MZT2B: variants seen among roughly 807,000 people sequenced by gnomAD.
MZT2B encodes mitotic spindle organizing protein 2B, also known as mitotic-spindle organizing protein 2B.
A neutral mutation model predicts 12.1 loss-of-function variants in MZT2B; 11 were observed. The observed-to-expected ratio is 0.91, with a 90% confidence interval of 0.57 to 1.50. The LOEUF (loss-of-function observed/expected upper bound fraction) is 1.50, where lower values mean the gene tolerates loss of function less well. MZT2B is among the 40% of genes most tolerant of loss of function. The probability of loss-of-function intolerance (pLI) is 0.00; values close to 1 mark genes in which losing one functional copy is unlikely to be tolerated. For missense variants in MZT2B, 209 were observed against 227.7 expected (o/e 0.92, Z 0.53); for synonymous variants, 85 against 109.5 (o/e 0.78, Z 1.40).
chr2:130,183,300 C>T (rs183240124), intron 2 of MZT2B: 3 of 276,708 alleles, frequency 1.1e-5, no homozygotes, highest in Admixed American at 4.9e-5. Flanking sequence ...GCCTTTACCC[C>T]ACCTGGGCCC....
At chr2:130,183,637 A>G in intron 2 of MZT2B, 13 of 1,308,144 alleles carry the variant, frequency 9.9e-6, no homozygotes, top group Non-Finnish European at 1.4e-5. Flanking sequence ...CATCCTGAGA[A>G]GGCGTGGAGA....
At chr2:130,193,887 A>G (rs767198648), downstream of MZT2B, 1 of 1,614,248 alleles carries the variant, frequency 6.2e-7, no homozygotes, top group Non-Finnish European at 8.5e-7. Flanking sequence ...TCCCCCCTGT[A>G]CAACATGCAG....
downstream of MZT2B, among the ~76,000 whole-genome samples, chr2:130,192,556 A>G (rs1438165691): frequency 2.6e-5 from 4 of 152,204 alleles, no homozygotes; most frequent in Admixed American, 6.5e-5. Context: ...CTGACCCACA[A>G]AACAAGCCAC....
At chr2:130,182,943 A>C (rs1336845852) in intron 2 of MZT2B, 168 bp downstream of exon 2, 5 of 825,280 alleles carry the variant, frequency 6.1e-6, no homozygotes, top group Non-Finnish European at 9.2e-6. Context: ...CTTCGCTGCC[A>C]GCCTTAGGAG....
chr2:130,187,168 A>T, intron 2 of MZT2B, among the ~76,000 whole-genome samples: 1 of 151,852 alleles, frequency 6.6e-6, no homozygotes, highest in Non-Finnish European at 1.5e-5. Flanking sequence ...TATTTGAGCT[A>T]ATTCTGCATT....
upstream of MZT2B, chr2:130,181,876 C>T (rs531777982): frequency 4.7e-5 from 72 of 1,526,448 alleles, no homozygotes; most frequent in African/African-American, 9.6e-4. Flanking sequence ...CCCCGCCCGC[C>T]CCGAAAAGCG....
the MZT2B span, among the ~76,000 whole-genome samples, chr2:130,200,459 G>A: frequency 6.6e-6 from 1 of 152,154 alleles, no homozygotes; most frequent in East Asian, 1.9e-4. Context: ...CAAATTCCAG[G>A]AACAGGAAGA....
chr2:130,181,758 C>T (rs1689669269), upstream of MZT2B: 5 of 1,548,124 alleles, frequency 3.2e-6, no homozygotes, highest in Non-Finnish European at 3.5e-6. Flanking sequence ...TGGTCCTTAG[C>T]TGAATGCGCC....
downstream of MZT2B, chr2:130,195,139 C>T: frequency 6.2e-7 from 1 of 1,613,566 alleles, no homozygotes; most frequent in Middle Eastern, 1.7e-4. Flanking sequence ...TGTAATGGCC[C>T]CTGGCGTAAT....
intron 2 of MZT2B, among the ~76,000 whole-genome samples, chr2:130,187,271 G>C (rs559006676): frequency 1.3e-5 from 2 of 152,090 alleles, no homozygotes; most frequent in Non-Finnish European, 2.9e-5. Flanking sequence ...GCTCACTGCA[G>C]CTTCAACCTC....
upstream of MZT2B, chr2:130,182,241 GGGCGC>G: frequency 8.1e-7 from 1 of 1,236,154 alleles, no homozygotes; most frequent in East Asian, 3.5e-5. Flanking sequence ...AGCCGCTAGG[GGGCGC>G]GGCGGGGCGG....
rs1689841014 is a variant in MZT2B, at chr2:130,183,021, G to A, written c.319+246G>A. 4 of 635,892 alleles carry A rather than the reference G, an allele frequency of 6.3e-6. No individual in the cohort carries two copies. In the East Asian group the frequency reaches 8.9e-5, roughly 14 times the overall value. 39.4% of individuals were successfully genotyped at this position (635,892 alleles called of 1,614,324 possible). A position where few individuals can be genotyped will look rare whatever the true frequency, so the allele number is the denominator to read the frequency against. ...GGTCCAGGCTGGGTAGGGCTCCTCCGCTTAGCTCCCCTCCACCTCTTCACT... is the reference window on the plus strand; with the variant it reads ...GGTCCAGGCTGGGTAGGGCTCCTCCACTTAGCTCCCCTCCACCTCTTCACT... On this transcript the variant is annotated intron_variant, in intron 2 of 2. Transcript: ENST00000281871.
downstream of MZT2B, among the ~76,000 whole-genome samples, chr2:130,190,949 AGGTTTTTTT>A (rs919679553): frequency 4.0e-5 from 6 of 151,062 alleles, no homozygotes; most frequent in Admixed American, 2.0e-4. Context: ...GAAATGTGGG[AGGTTTTTTT>A]GGTTTTTTTG....
downstream of MZT2B, chr2:130,191,881 C>T (rs1202979745): frequency 6.2e-7 from 1 of 1,614,172 alleles, no homozygotes. Context: ...TCCACGCCCA[C>T]CTCTTCACAA....
downstream of MZT2B, among the ~76,000 whole-genome samples, chr2:130,195,659 C>T (rs1195314622): frequency 6.6e-6 from 1 of 152,218 alleles, no homozygotes; most frequent in Non-Finnish European, 1.5e-5. Context: ...TCAGGTGATG[C>T]TGTCATCTCC....
At chr2:130,183,859 C>A in intron 2 of MZT2B, 1 of 1,550,622 alleles carries the variant, frequency 6.4e-7, no homozygotes, top group African/African-American at 1.4e-5. Flanking sequence ...CCGCAGCCTG[C>A]GGCCTCTCCG....
chr2:130,186,673 C>T (rs1472285891), intron 2 of MZT2B, among the ~76,000 whole-genome samples: 3 of 152,174 alleles, frequency 2.0e-5, no homozygotes, highest in Non-Finnish European at 4.4e-5. Flanking sequence ...CTTGGGAGTC[C>T]ACAGCTACTG....
At chr2:130,194,163 G>A (rs1690345877), downstream of MZT2B, 2 of 1,613,888 alleles carry the variant, frequency 1.2e-6, no homozygotes, top group Non-Finnish European at 1.7e-6. Context: ...AGGCGATTGA[G>A]GTTGGTGTAC....
At chr2:130,188,750 G>A (rs1690153476) in intron 2 of MZT2B, among the ~76,000 whole-genome samples, 1 of 152,132 alleles carries the variant, frequency 6.6e-6, no homozygotes, top group Admixed American at 6.6e-5. Flanking sequence ...CAGGGTATGG[G>A]GAGAATTTTC....
Sources: allele counts gnomAD v4.1 joint callset (sites outside exome capture counted in the v4.1 genomes callset), GRCh38; gene constraint gnomAD v4.1.1; transcripts MANE v1.5; gene names NCBI Gene and HGNC (gene_info 2026-07-23, HGNC 2026-07-21).